The following PTPRR variants were observed in gnomAD, a reference collection of about 807,000 sequenced individuals.
The protein encoded by PTPRR is protein tyrosine phosphatase receptor type R, also known as receptor-type tyrosine-protein phosphatase R.
Under a neutral mutation model 77.2 loss-of-function variants are expected in PTPRR, and 38 were observed. The observed-to-expected ratio is 0.49, with a 90% CI of 0.38 to 0.65. PTPRR has a LOEUF of 0.65. Ranked by LOEUF, PTPRR falls within the 30% of genes least tolerant of loss-of-function variation. The pLI is 0.00. For synonymous variants in PTPRR, 299 were observed against 283.1 expected (o/e 1.06, Z -0.57); for missense variants, 744 against 799.2 (o/e 0.93, Z 0.83).
chr12:70,861,356 T>C (rs1035614597), intron 2 of PTPRR, among the ~76,000 whole-genome samples: 1 of 152,160 alleles, frequency 6.6e-6, no homozygotes, highest in Non-Finnish European at 1.5e-5. Flanking sequence ...TAGTTTCACA[T>C]GTGGTCTTTC....
intron 2 of PTPRR, among the ~76,000 whole-genome samples, chr12:70,890,573 T>A (rs748548563): frequency 3.2e-4 from 49 of 152,188 alleles, no homozygotes; most frequent in Non-Finnish European, 6.6e-4. Context: ...ATATAAAGTT[T>A]AGAGGTTGAG....
At chr12:70,648,881 AAAAAAG>A (rs1042415764) in intron 13 of PTPRR, among the ~76,000 whole-genome samples, 11 of 152,320 alleles carry the variant, frequency 7.2e-5, no homozygotes, top group African/African-American at 2.6e-4. Context: ...CTTGGAAAAA[AAAAAAG>A]AAATCTTATT....
At chr12:70,840,787 C>A (rs1892382703) in intron 2 of PTPRR, among the ~76,000 whole-genome samples, 1 of 152,002 alleles carries the variant, frequency 6.6e-6, no homozygotes, top group Non-Finnish European at 1.5e-5. Context: ...CATTTGAGCA[C>A]ATTAATACAT....
At position 70,684,735 on chromosome 12, in the gene PTPRR, A is replaced by C; in HGVS notation, c.1328T>G (p.Leu443Trp). 6.2e-7 allele frequency: 1 copy of C among 1,607,610 alleles called. No individual in the cohort carries two copies. The highest frequency in any genetic ancestry group is 8.5e-7 in the Non-Finnish European group (1 of 1,175,592). Residue 443 changes from leucine (L) to tryptophan (W), a missense_variant, in exon 9 of 14, where the codon TTG (leucine) becomes TGG (tryptophan). By Grantham distance (61) the Leu-to-Trp change is moderately conservative (BLOSUM62 -2). Around this residue, in one of 3 missense-constraint regions of PTPRR, gnomAD observed 570 missense variants for 573.2 expected, o/e 0.99. Transcript: ENST00000283228. ...ATAATTAGCATTAATGTAGGTGCTC[A>C]ATGAATCGGTTACATTTTTTGGTCT... ...CLRPKNVTDSLSTYINANYIR... is the reference protein window; with the variant it reads ...CLRPKNVTDSWSTYINANYIR...
At chr12:70,828,491 C>A (rs1592780869) in intron 2 of PTPRR, among the ~76,000 whole-genome samples, 1 of 152,162 alleles carries the variant, frequency 6.6e-6, no homozygotes, top group South Asian at 2.1e-4. Context: ...GAATTAGATG[C>A]ATTTTGGCTT....
At chr12:70,892,652 T>A in intron 2 of PTPRR, 27 bp downstream of exon 2, 1 of 1,605,946 alleles carries the variant, frequency 6.2e-7, no homozygotes, top group Non-Finnish European at 8.5e-7. Flanking sequence ...AACATCAGCC[T>A]CAGCATCAGT....
chr12:70,639,097 A>G lies in PTPRR; in HGVS notation c.*87T>C, dbSNP rs1333589070. ...GGCTTCAGAGCTTCTCCTTCCTTCC[A>G]TTGCAGGAAGCTCCTTCTAGAAGCC... On this transcript the variant is annotated 3_prime_UTR_variant, in exon 14 of 14. Transcript: ENST00000283228. 1.4e-5 allele frequency: 16 copies of G among 1,127,848 alleles called. No individual in the cohort carries two copies. The highest frequency in any genetic ancestry group is 1.5e-5 in the African/African-American group (1 of 64,712). 69.9% of individuals were successfully genotyped at this position (1,127,848 alleles called of 1,614,324 possible).
chr12:70,731,463 A>G (rs190234073), intron 6 of PTPRR, among the ~76,000 whole-genome samples: 7 of 152,338 alleles, frequency 4.6e-5, no homozygotes, highest in Admixed American at 4.6e-4. Flanking sequence ...CTAATATGGA[A>G]CCACTCAATT....
chr12:70,639,471 G>A (rs1401000692), intron 13 of PTPRR, 194 bp from the exon 14 acceptor site: 1 of 1,370,428 alleles, frequency 7.3e-7, no homozygotes, highest in Non-Finnish European at 9.5e-7. Flanking sequence ...GTATATAAAG[G>A]GCTTAACACA....
intron 2 of PTPRR, among the ~76,000 whole-genome samples, chr12:70,880,203 A>G (rs1436208470): frequency 2.0e-5 from 3 of 152,168 alleles, no homozygotes; most frequent in Admixed American, 6.5e-5. Flanking sequence ...TGCTTTCAAT[A>G]CCTTATGTCA....
chr12:70,682,497 G>T (rs1324492037), intron 10 of PTPRR, among the ~76,000 whole-genome samples: 1 of 151,950 alleles, frequency 6.6e-6, no homozygotes, highest in Non-Finnish European at 1.5e-5. Context: ...ATGCCTTTTA[G>T]TCTCTTTTTA....
intron 2 of PTPRR, among the ~76,000 whole-genome samples, chr12:70,825,235 G>A (rs189477148): frequency 9.2e-5 from 14 of 152,024 alleles, no homozygotes; most frequent in East Asian, 1.9e-4. Flanking sequence ...CCAAGATAGC[G>A]CCACTACACT....
intron 6 of PTPRR, among the ~76,000 whole-genome samples, chr12:70,729,585 G>A (rs1249120012): frequency 6.6e-6 from 1 of 152,070 alleles, no homozygotes; most frequent in Non-Finnish European, 1.5e-5. Context: ...GAGGCCCCCA[G>A]CTCTAAAATA....
chr12:70,893,431 C>T (rs146862627), intron 1 of PTPRR, among the ~76,000 whole-genome samples: 53 of 152,000 alleles, frequency 3.5e-4, no homozygotes, highest in African/African-American at 1.2e-3. Context: ...CAGTTTTCTT[C>T]ACGCTTACAG....
At chr12:70,859,842 C>G (rs1233051260) in intron 2 of PTPRR, among the ~76,000 whole-genome samples, 1 of 152,020 alleles carries the variant, frequency 6.6e-6, no homozygotes, top group African/African-American at 2.4e-5. Flanking sequence ...GTTTCTGCCC[C>G]TCCCCAAACA....
intron 2 of PTPRR, among the ~76,000 whole-genome samples, chr12:70,795,027 G>A (rs1891487175): frequency 6.6e-6 from 1 of 152,178 alleles, no homozygotes; most frequent in African/African-American, 2.4e-5. Context: ...GGTGTGGTAA[G>A]AGAGAGGGTA....
At chr12:70,868,244 G>A (rs1490334923) in intron 2 of PTPRR, among the ~76,000 whole-genome samples, 38 of 151,782 alleles carry the variant, frequency 2.5e-4, no homozygotes, top group African/African-American at 6.8e-4. Flanking sequence ...ATCAGAGTGA[G>A]CAGGCAACCT....
At chr12:70,686,730 G>T (rs78285706) in intron 8 of PTPRR, among the ~76,000 whole-genome samples, 2,335 of 152,224 alleles carry the variant, frequency 0.015, 70 homozygotes, top group African/African-American at 0.053. Context: ...ATATGAATGA[G>T]CCCTCTTAGA....
intron 7 of PTPRR, 130 bp from the exon 8 acceptor site, chr12:70,698,479 G>T (rs1319906226): frequency 1.5e-6 from 1 of 665,100 alleles, no homozygotes; most frequent in Non-Finnish European, 2.6e-6. Context: ...TAGCACCTCT[G>T]GTGGACCAAC....
Sources: allele counts gnomAD v4.1 joint callset (sites outside exome capture counted in the v4.1 genomes callset), GRCh38; gene constraint gnomAD v4.1.1; regional missense constraint gnomAD v4.1.1; transcripts MANE v1.5; gene names NCBI Gene and HGNC (gene_info 2026-07-23, HGNC 2026-07-21).